RBFOX3: variants seen among roughly 807,000 people sequenced by gnomAD.
RBFOX3 encodes the protein RNA binding fox-1 homolog 3, also known as RNA binding protein fox-1 homolog 3.
Under a neutral mutation model 48.7 loss-of-function variants are expected in RBFOX3, and 17 were observed. That is an observed-to-expected ratio of 0.35 (90% CI 0.24 to 0.52). RBFOX3 has a LOEUF of 0.52. Among genes scored for constraint, RBFOX3 ranks in the 20% least tolerant of loss-of-function variants. The probability of loss-of-function intolerance (pLI) is 0.94; values close to 1 mark genes in which losing one functional copy is unlikely to be tolerated. For missense variants in RBFOX3, 382 were observed against 497.5 expected (o/e 0.77, Z 2.21); for synonymous variants, 212 against 209.5 (o/e 1.01, Z -0.10).
chr17:79,164,471 G>T (rs2047594611), intron 4 of RBFOX3, among the ~76,000 whole-genome samples: 1 of 152,308 alleles, frequency 6.6e-6, no homozygotes, highest in East Asian at 1.9e-4. Context: ...ACGCTCCTGG[G>T]GGTGGGCGGC....
At chr17:79,127,923 C>T (rs1450304814) in intron 4 of RBFOX3, among the ~76,000 whole-genome samples, 1 of 152,224 alleles carries the variant, frequency 6.6e-6, no homozygotes, top group Non-Finnish European at 1.5e-5. Context: ...TCACGCTGCC[C>T]CCGTCACGCT....
chr17:79,401,005 C>T (rs1236568069), intron 2 of RBFOX3, among the ~76,000 whole-genome samples: 1 of 152,242 alleles, frequency 6.6e-6, no homozygotes. Context: ...CAGAAAAACA[C>T]GTCGTCACAA....
At chr17:79,496,340 G>T (rs1310386047) in intron 1 of RBFOX3, among the ~76,000 whole-genome samples, 1 of 152,084 alleles carries the variant, frequency 6.6e-6, no homozygotes, top group Non-Finnish European at 1.5e-5. Context: ...CGGTCTGGCT[G>T]CATCTCCTGG....
At chr17:79,386,052 A>C (rs2060517807) in intron 2 of RBFOX3, among the ~76,000 whole-genome samples, 1 of 148,710 alleles carries the variant, frequency 6.7e-6, no homozygotes. Context: ...CCCATTACAG[A>C]AAGAGGCTCC....
rs2076853414 is a variant in RBFOX3 at position 79,311,464 on chromosome 17, G to A, written c.-174-3640C>T. Among the ~76,000 whole-genome samples, 1 of 147,598 alleles carries A rather than the reference G, an allele frequency of 6.8e-6. No homozygotes were observed. The highest frequency in any genetic ancestry group is 6.8e-5 in the Admixed American group (1 of 14,748). ...AAAAAAAAAAAAAAAACAGACTGCA[G>A]CACCAATTCCTGCCTGAGGTTCCAG... On this transcript the variant is annotated intron_variant, in intron 2 of 14. Transcript: ENST00000693108. The surrounding 1 kb of genome is among the most constrained non-coding windows in gnomAD (Gnocchi z 4.2).
At chr17:79,215,162 T>G (rs1237671484) in intron 4 of RBFOX3, among the ~76,000 whole-genome samples, 1 of 152,130 alleles carries the variant, frequency 6.6e-6, no homozygotes, top group Non-Finnish European at 1.5e-5. Context: ...CTGGGGGAAG[T>G]GGGAGGGAGG....
rs183000933 is a variant in RBFOX3 at position 79,391,406 on chromosome 17, G to A, written c.-174-83582C>T. 1.2e-4 allele frequency among the ~76,000 whole-genome samples: 19 copies of A among 152,250 alleles called. No individual in the cohort carries two copies. The East Asian group carries it at 3.7e-3, about 29-fold the overall frequency. On this transcript the variant is annotated intron_variant, in intron 2 of 14. Coordinates refer to ENST00000693108, the MANE Select transcript of RBFOX3 (RefSeq NM_001350451.2). This position sits in a 1 kb window ranked among gnomAD's most constrained non-coding sequence, Gnocchi z 5.0. ...CCACGATTGGTGAACACTCGGGCAGGTTACCTAACTTCTCTGAGCCTCAGT... is the reference window on the plus strand; with the variant it reads ...CCACGATTGGTGAACACTCGGGCAGATTACCTAACTTCTCTGAGCCTCAGT...
chr17:79,388,638 G>A (rs1030929633), intron 2 of RBFOX3, among the ~76,000 whole-genome samples: 8 of 152,154 alleles, frequency 5.3e-5, no homozygotes, highest in Non-Finnish European at 1.0e-4. Flanking sequence ...GCTGGATCTC[G>A]TTCCCACCTG....
At chr17:79,548,375 C>G (rs78966284) in intron 1 of RBFOX3, among the ~76,000 whole-genome samples, 251 of 152,318 alleles carry the variant, frequency 1.6e-3, no homozygotes, top group African/African-American at 5.7e-3. Context: ...CTGTGACTCC[C>G]GAGGCTCGGA....
At chr17:79,230,104 G>T (rs377056042) in intron 4 of RBFOX3, among the ~76,000 whole-genome samples, 10 of 152,158 alleles carry the variant, frequency 6.6e-5, no homozygotes, top group Non-Finnish European at 1.3e-4. Flanking sequence ...GGCAAGGGGG[G>T]TGCCGCCCAG....
At position 79,535,701 on chromosome 17, in the gene RBFOX3, A is replaced by C. The variant is rs1442293562; in HGVS notation, c.-319-53103T>G. On this transcript the variant is annotated intron_variant, in intron 1 of 14. Transcript: ENST00000693108. The surrounding 1 kb of genome is among the most constrained non-coding windows in gnomAD (Gnocchi z 4.5). ...AGGCAAGGTTGCCTGTGTTGGGGAC[A>C]GTCAATCGGACATAGGAATAACGTG... Among the ~76,000 whole-genome samples the C allele has an allele frequency of 3.9e-5, 6 of 152,202 alleles. No individual in the cohort carries two copies. Among genetic ancestry groups the C allele is most frequent in the African/African-American group, 1.4e-4 (6 of 41,446 alleles).
chr17:79,316,204 G>A (rs2077521157), intron 2 of RBFOX3, among the ~76,000 whole-genome samples: 1 of 152,192 alleles, frequency 6.6e-6, no homozygotes, highest in Non-Finnish European at 1.5e-5. Context: ...CTGGGGCTGA[G>A]GACGAGGCCA....
At chr17:79,478,208 C>T (rs1350353057) in intron 2 of RBFOX3, among the ~76,000 whole-genome samples, 1 of 152,192 alleles carries the variant, frequency 6.6e-6, no homozygotes, top group African/African-American at 2.4e-5. Flanking sequence ...AACAAGCAGA[C>T]AAGAGACGGG....
intron 1 of RBFOX3, among the ~76,000 whole-genome samples, chr17:79,610,452 CACA>C (rs2093946904): frequency 1.3e-5 from 2 of 151,952 alleles, no homozygotes; most frequent in Non-Finnish European, 2.9e-5. Context: ...CCGCCGCCGC[CACA>C]GCCACCACCA....
intron 4 of RBFOX3, among the ~76,000 whole-genome samples, chr17:79,141,167 T>G (rs1290028186): frequency 6.6e-6 from 1 of 152,214 alleles, no homozygotes; most frequent in African/African-American, 2.4e-5. Flanking sequence ...GCTCCTGGAC[T>G]GATGAGCACT....
At chr17:79,117,376 T>G (rs2147061340) in intron 4 of RBFOX3, among the ~76,000 whole-genome samples, 1 of 152,316 alleles carries the variant, frequency 6.6e-6, no homozygotes, top group South Asian at 2.1e-4. Flanking sequence ...GGGAAGTGGC[T>G]GCTCACCTCC....
At chr17:79,114,417 C>T (rs934961161) in intron 5 of RBFOX3, among the ~76,000 whole-genome samples, 6 of 152,164 alleles carry the variant, frequency 3.9e-5, no homozygotes, top group Non-Finnish European at 8.8e-5. Flanking sequence ...GGAAAGGCAC[C>T]GCCTGGGTGC....
At chr17:79,200,626 G>A (rs2056604211) in intron 4 of RBFOX3, among the ~76,000 whole-genome samples, 1 of 152,190 alleles carries the variant, frequency 6.6e-6, no homozygotes, top group African/African-American at 2.4e-5. Flanking sequence ...TGGGACATGA[G>A]GTGTCTCAGG....
intron 1 of RBFOX3, among the ~76,000 whole-genome samples, chr17:79,591,373 G>C (rs2093411552): frequency 6.6e-6 from 1 of 152,186 alleles, no homozygotes; most frequent in Non-Finnish European, 1.5e-5. Context: ...CTGGGGACAG[G>C]AGACACACCA....
Sources: gnomAD v4.1 joint callset for allele counts (sites outside exome capture counted in the v4.1 genomes callset) on GRCh38, gnomAD v4.1.1 for gene constraint, Gnocchi (gnomAD v3.1) non-coding constraint, MANE v1.5 for transcripts, NCBI Gene and HGNC (gene_info 2026-07-23, HGNC 2026-07-21) for gene names.